TH: variants seen among roughly 807,000 people sequenced by gnomAD.
TH encodes tyrosine 3-monooxygenase.
In TH, 49 loss-of-function variants were observed where a neutral mutation model predicts 57.4. That is an observed-to-expected ratio of 0.85 (90% confidence interval 0.68 to 1.08). The LOEUF (loss-of-function observed/expected upper bound fraction) is 1.08, where lower values mean the gene tolerates loss of function less well. TH is among the 50% of genes least tolerant of loss of function. TH has a pLI of 0.00. For missense variants in TH, 720 were observed against 696.7 expected (o/e 1.03, Z -0.38); for synonymous variants, 330 against 304.5 (o/e 1.08, Z -0.87).
rs756033769 is a variant in TH at position 2,169,632 on chromosome 11, C to T, written c.312+18G>A. On this transcript the variant is annotated intron_variant, in intron 2 of 12. Coordinates refer to ENST00000352909, the MANE Select transcript of TH (RefSeq NM_000360.4). Reference sequence around the variant, plus strand: ...CACAGGTGAACTTGCCCCAGGGACACGAAGGCCACCAGCTCACCTCAAACA... The same window carrying T: ...CACAGGTGAACTTGCCCCAGGGACATGAAGGCCACCAGCTCACCTCAAACA... 4.3e-6 allele frequency: 7 copies of T among 1,612,990 alleles called. No homozygotes were observed. The highest frequency in any genetic ancestry group is 5.9e-6 in the Non-Finnish European group (7 of 1,179,474).
At position 2,170,677 on chromosome 11, in the gene TH, C is replaced by T; in HGVS notation, c.91-806G>A. Reference sequence around the variant, plus strand: ...AGCAGCAGAAGCCCCTCCCAGAGTCCCCTCTTACTTACCCTTGGGGTGGGG... The same window carrying T: ...AGCAGCAGAAGCCCCTCCCAGAGTCTCCTCTTACTTACCCTTGGGGTGGGG... On this transcript the variant is annotated intron_variant, in intron 1 of 12. Coordinates refer to ENST00000352909, the MANE Select transcript of TH (RefSeq NM_000360.4). The surrounding 1 kb of genome is among the most constrained non-coding windows in gnomAD (Gnocchi z 6.0). 1 of 1,597,102 alleles carries T rather than the reference C, an allele frequency of 6.3e-7. No individual in the cohort carries two copies. The highest frequency in any genetic ancestry group is 8.5e-7 in the Non-Finnish European group (1 of 1,171,758).
rs781468666 is a variant in TH, at chr11:2,166,962, C to A, written c.766G>T (p.Ala256Ser). The change falls in exon 7 of 13, where the codon GCT (alanine) becomes TCT (serine). Residue 256 changes from alanine (A) to serine (S), a missense_variant. By Grantham distance (99) the Ala-to-Ser change is moderately conservative (BLOSUM62 1). Transcript: ENST00000352909. The stretch of plus-strand genomic sequence containing the variant: ...TAGCCGCTGAAGCGCTCCAGCAAAG[C>A]AAAGGCCTCCAGGTGCTCCCCGCAG... ...HACGEHLEAF[A>S]LLERFSGYRE... is the part of the protein sequence containing the mutation. 2 of 1,595,130 alleles carry A rather than the reference C, an allele frequency of 1.3e-6. No homozygotes were observed. Among genetic ancestry groups the A allele is most frequent in the East Asian group, 4.5e-5 (2 of 44,062 alleles).
In TH at chr11:2,170,692, T is replaced by C. The variant is rs1338821407; in HGVS notation, c.91-821A>G. 3 of 1,604,696 alleles carry C rather than the reference T, an allele frequency of 1.9e-6. No individual in the cohort carries two copies. The African/African-American group carries it at 4.0e-5, about 21-fold the overall frequency. On this transcript the variant is annotated intron_variant, in intron 1 of 12. Transcript: ENST00000352909. This position sits in a 1 kb window ranked among gnomAD's most constrained non-coding sequence, Gnocchi z 6.0. ...TCCCAGAGTCCCCTCTTACTTACCC[T>C]TGGGGTGGGGGTGTAGGATGCAGCT...
Position 2,167,887 on chromosome 11 carries a change from T to C in TH, c.623A>G (p.Glu208Gly), listed in dbSNP as rs780741816. The change falls in exon 5 of 13, where the codon GAG becomes GGG. Residue 208 changes from glutamate (E) to glycine (G), a missense_variant. Glu to Gly is a moderately conservative substitution (Grantham distance 98). Coordinates refer to ENST00000352909, the MANE Select transcript of TH (RefSeq NM_000360.4). ...TCACTGCCTGTACTGGAAGGCGATC[T>C]CAGCAATCAGCTTCCTGCGCTGGCG... is the stretch of plus-strand genomic sequence containing the variant. ...VYRQRRKLIAEIAFQYRHGDP... is the reference protein window; with the variant it reads ...VYRQRRKLIAGIAFQYRHGDP... 2 of 1,609,638 alleles carry C rather than the reference T, an allele frequency of 1.2e-6. No homozygotes were observed. The highest frequency in any genetic ancestry group is 2.2e-5 in the South Asian group (2 of 90,344).
At position 2,166,934 on chromosome 11, in the gene TH, C is replaced by G; in HGVS notation, c.794G>C (p.Arg265Pro). The change falls in exon 7 of 13, where the codon CGG becomes CCG. Residue 265 changes from arginine to proline, a missense_variant. Arg to Pro is a moderately radical substitution (Grantham distance 103). Coordinates refer to ENST00000352909, the MANE Select transcript of TH (RefSeq NM_000360.4). ...CTCCAGCTGGGGGATATTGTCTTCC[C>G]GGTAGCCGCTGAAGCGCTCCAGCAA... ...FALLERFSGYREDNIPQLEDV... is the reference protein window; with the variant it reads ...FALLERFSGYPEDNIPQLEDV... 3 of 1,601,094 alleles carry G rather than the reference C, an allele frequency of 1.9e-6. No individual in the cohort carries two copies. Among genetic ancestry groups the G allele is most frequent in the Non-Finnish European group, 2.6e-6 (3 of 1,175,076 alleles).
In TH at chr11:2,170,153, C is replaced by G. The variant is rs73403745; in HGVS notation, c.91-282G>C. On this transcript the variant is annotated intron_variant, in intron 1 of 12. Coordinates refer to ENST00000352909, the MANE Select transcript of TH (RefSeq NM_000360.4). This position sits in a 1 kb window ranked among gnomAD's most constrained non-coding sequence, Gnocchi z 6.0. ...CGCCTGCTCCCCACTCTGTGGCGAGCAGACAGACAGAGACGCTGTGTCACT... is the reference window on the plus strand; with the variant it reads ...CGCCTGCTCCCCACTCTGTGGCGAGGAGACAGACAGAGACGCTGTGTCACT... 0.015 allele frequency among the ~76,000 whole-genome samples: 2,345 copies of G among 152,266 alleles called. 63 individuals carry two copies. Among genetic ancestry groups the G allele is most frequent in the African/African-American group, 0.054 (2,240 of 41,540 alleles).
intron 2 of TH, chr11:2,168,871 T>A (rs911463451): frequency 4.4e-6 from 3 of 679,466 alleles, no homozygotes; most frequent in Non-Finnish European, 7.6e-6. Context: ...GCAAGTTGGA[T>A]TTTGTGTTAC....
intron 5 of TH, 154 bp from the exon 6 acceptor site, chr11:2,167,639 T>C (rs1846135939): frequency 8.9e-7 from 1 of 1,117,350 alleles, no homozygotes; most frequent in Admixed American, 2.1e-5. Context: ...CAGCTGACTG[T>C]GCCGTGAGCC....
intron 2 of TH, 135 bp from the exon 3 acceptor site, chr11:2,168,800 A>G (rs973784927): frequency 9.1e-7 from 1 of 1,101,980 alleles, no homozygotes; most frequent in African/African-American, 1.6e-5. Flanking sequence ...CTAGCAGCAC[A>G]CAGATCCCGT....
intron 9 of TH, 174 bp from the exon 10 acceptor site, chr11:2,166,232 A>G (rs894358289): frequency 2.2e-6 from 2 of 890,160 alleles, no homozygotes; most frequent in Non-Finnish European, 3.5e-6. Flanking sequence ...TCCTCCAGGC[A>G]GCCCTCCTTG....
Position 2,170,796 on chromosome 11 carries a change from G to C in TH, c.90+901C>G, listed in dbSNP as rs897146843. On this transcript the variant is annotated intron_variant, in intron 1 of 12. Coordinates refer to ENST00000352909, the MANE Select transcript of TH (RefSeq NM_000360.4). The surrounding 1 kb of genome is among the most constrained non-coding windows in gnomAD (Gnocchi z 6.0). ...CTGGGGAGGGGATGCCTGATGGGGA[G>C]CCTGGTGGGGGAGGGTAGGGGAGGG... is the stretch of plus-strand genomic sequence containing the variant. 13 of 940,786 alleles carry C rather than the reference G, an allele frequency of 1.4e-5. No homozygotes were observed. The Admixed American group carries it at 2.8e-4, about 20-fold the overall frequency. The allele number at this position is 940,786 out of a possible 1,614,324, so 58.3% of individuals were successfully genotyped here.
chr11:2,170,649 G>C lies in TH; in HGVS notation c.91-778C>G. The C allele has an allele frequency of 6.7e-7, 1 of 1,493,444 alleles. No individual in the cohort carries two copies. The highest frequency in any genetic ancestry group is 1.7e-4 in the Middle Eastern group (1 of 5,860). 92.5% of individuals were successfully genotyped at this position (1,493,444 alleles called of 1,614,324 possible). ...GCTTCCAGGGTTGTGGAACATGAAGGGGAGCAGCAGAAGCCCCTCCCAGAG... is the reference window on the plus strand; with the variant it reads ...GCTTCCAGGGTTGTGGAACATGAAGCGGAGCAGCAGAAGCCCCTCCCAGAG... On this transcript the variant is annotated intron_variant, in intron 1 of 12. Coordinates refer to ENST00000352909, the MANE Select transcript of TH (RefSeq NM_000360.4). The surrounding 1 kb of genome is among the most constrained non-coding windows in gnomAD (Gnocchi z 6.0).
chr11:2,166,585 C>CCCGT (rs542167602), intron 8 of TH, 36 bp from the exon 9 acceptor site: 2 of 1,586,888 alleles, frequency 1.3e-6, no homozygotes, highest in South Asian at 1.1e-5. Flanking sequence ...TGAGGGGCCG[C>CCCGT]CCGTCGCACC....
Position 2,168,581 on chromosome 11 carries a change from G to A in TH, c.397C>T (p.Arg133Cys), listed in dbSNP as rs369814887. The A allele has an allele frequency of 2.4e-5, 39 of 1,611,630 alleles. No individual in the cohort carries two copies. The highest frequency in any genetic ancestry group is 2.2e-4 in the Admixed American group (13 of 59,950). ...AGGTCCCCTCGGCGCACCTCGAGGC[G>A]CACGAAGTACTCCAGGTGGGGGCCC... ...AGGPHLEYFV[R>C]LEVRRGDLAA... The change falls in exon 3 of 13, where the codon CGC becomes TGC. Residue 133 changes from arginine (R) to cysteine (C), a missense_variant. Physicochemically the swap from Arg to Cys is radical, Grantham distance 180. Transcript: ENST00000352909.
chr11:2,171,703 G>A lies in TH; in HGVS notation c.84C>T (p.Ala28=). Residue 28 remains alanine (A), a synonymous_variant, in exon 1 of 13, where the codon GCC becomes GCT. Transcript: ENST00000352909. This position sits in a 1 kb window ranked among gnomAD's most constrained non-coding sequence, Gnocchi z 8.6. The part of the protein sequence containing the change: ...VSELDAKQAE[A]IMSPRFIGRR... The stretch of plus-strand genomic sequence containing the variant: ...CACCTACCTGCCCTCTTACCATGAT[G>A]GCCTCTGCCTGCTTGGCGTCCAGCT... 1 of 1,612,214 alleles carries A rather than the reference G, an allele frequency of 6.2e-7. No individual in the cohort carries two copies. The highest frequency in any genetic ancestry group is 8.5e-7 in the Non-Finnish European group (1 of 1,179,822).
In TH at chr11:2,167,559, T is replaced by A. The variant is rs73403741; in HGVS notation, c.645-74A>T. 3,556 of 1,500,640 alleles carry A rather than the reference T, an allele frequency of 2.4e-3. 65 individuals are homozygous for A. The African/African-American group carries it at 0.045, about 19-fold the overall frequency. 93.0% of individuals were successfully genotyped at this position (1,500,640 alleles called of 1,614,324 possible). A position where few individuals can be genotyped will look rare whatever the true frequency, so the allele number is the denominator to read the frequency against. ...GCAGGAGGGAGGGAGGGAGCTTCAC[T>A]GGGCACAGGTCCACACCCGCCTAGT... On this transcript the variant is annotated intron_variant, in intron 5 of 12. Coordinates refer to ENST00000352909, the MANE Select transcript of TH (RefSeq NM_000360.4).
In TH at chr11:2,165,311, C is replaced by T. The variant is rs184106392; in HGVS notation, c.1255G>A (p.Val419Met). ...IRAFDPEAAA[V>M]QPYQDQTYQS... Reference sequence around the variant, plus strand: ...TACGTCTGGTCTTGGTAGGGCTGCACGGCCGCAGCCTCAGGGTCGAAGGCC... The same window carrying T: ...TACGTCTGGTCTTGGTAGGGCTGCATGGCCGCAGCCTCAGGGTCGAAGGCC... Residue 419 changes from valine to methionine, a missense_variant, in exon 12 of 13, where the codon GTG (valine) becomes ATG (methionine). Physicochemically the swap from Val to Met is conservative, Grantham distance 21. Coordinates refer to ENST00000352909, the MANE Select transcript of TH (RefSeq NM_000360.4). 427 of 1,612,666 alleles carry T rather than the reference C, an allele frequency of 2.6e-4. 1 individual carries two copies. Among genetic ancestry groups the T allele is most frequent in the Middle Eastern group, 2.1e-3 (13 of 6,062 alleles).
chr11:2,168,790 C>G, intron 2 of TH, 125 bp from the exon 3 acceptor site: 2 of 1,183,048 alleles, frequency 1.7e-6, no homozygotes, highest in East Asian at 5.1e-5. Flanking sequence ...GACTTTTGTG[C>G]TAGCAGCACA....
In TH at chr11:2,166,501, G is replaced by A; in HGVS notation, c.1026C>T (p.Arg342=). Residue 342 remains arginine, a synonymous_variant, in exon 9 of 13, where the codon CGC becomes CGT. Coordinates refer to ENST00000352909, the MANE Select transcript of TH (RefSeq NM_000360.4). ...LLGHVPMLAD[R]TFAQFSQDIG... ...GTACCTGCGAGAACTGCGCGAAGGTGCGGTCGGCCAGCATGGGCACGTGCC... is the reference window on the plus strand; with the variant it reads ...GTACCTGCGAGAACTGCGCGAAGGTACGGTCGGCCAGCATGGGCACGTGCC... The A allele has an allele frequency of 6.3e-7, 1 of 1,596,196 alleles. No homozygotes were observed. Among genetic ancestry groups the A allele is most frequent in the Non-Finnish European group, 8.5e-7 (1 of 1,176,310 alleles).
Sources: gnomAD v4.1 joint callset for allele counts (sites outside exome capture counted in the v4.1 genomes callset) on GRCh38, gnomAD v4.1.1 for gene constraint, Gnocchi (gnomAD v3.1) non-coding constraint, MANE v1.5 for transcripts, NCBI Gene and HGNC (gene_info 2026-07-23, HGNC 2026-07-21) for gene names.